PTGFR: variants seen among roughly 807,000 people sequenced by gnomAD.
PTGFR encodes the protein prostaglandin F2-alpha receptor.
PTGFR carries 15 observed loss-of-function variants against 26.2 expected under a neutral mutation model. The ratio of observed to expected loss-of-function variants is 0.57; its 90% CI spans 0.38 to 0.88. The LOEUF (loss-of-function observed/expected upper bound fraction) is 0.88. Ranked by LOEUF, PTGFR falls within the 40% of genes least tolerant of loss-of-function variation. The pLI, the probability that PTGFR is intolerant of heterozygous loss-of-function variation, is 0.00. For synonymous variants in PTGFR, 165 were observed against 151.1 expected (o/e 1.09, Z -0.68); for missense variants, 369 against 427.2 (o/e 0.86, Z 1.20).
At chr1:78,507,126 C>G (rs1649844473) in intron 2 of PTGFR, among the ~76,000 whole-genome samples, 1 of 152,152 alleles carries the variant, frequency 6.6e-6, no homozygotes, top group South Asian at 2.1e-4. Flanking sequence ...CCCTCTCTGG[C>G]TCTTTTGTTT....
chr1:78,496,023 T>C (rs1292598847), intron 2 of PTGFR, among the ~76,000 whole-genome samples: 3 of 152,202 alleles, frequency 2.0e-5, no homozygotes, highest in Non-Finnish European at 4.4e-5. Flanking sequence ...GGTATTACTT[T>C]ATGGGCTGAT....
chr1:78,535,534 C>T (rs1650624268), intron 2 of PTGFR, among the ~76,000 whole-genome samples: 1 of 152,108 alleles, frequency 6.6e-6, no homozygotes, highest in African/African-American at 2.4e-5. Flanking sequence ...GTCCAAGCTT[C>T]ACTTTTCAGT....
At chr1:78,495,037 T>A (rs1002379544) in intron 2 of PTGFR, among the ~76,000 whole-genome samples, 1 of 152,248 alleles carries the variant, frequency 6.6e-6, no homozygotes, top group African/African-American at 2.4e-5. Context: ...TCTAATATTT[T>A]AAAAATTTCT....
chr1:78,493,320 A>C lies in PTGFR; in HGVS notation c.577A>C (p.Ile193Leu). 6.2e-7 allele frequency: 1 copy of C among 1,614,226 alleles called. No homozygotes were observed. Among genetic ancestry groups the C allele is most frequent in the Admixed American group, 1.7e-5 (1 of 60,024 alleles). The change falls in exon 2 of 3, where the codon ATC (isoleucine) becomes CTC (leucine). Residue 193 changes from isoleucine (I) to leucine (L), a missense_variant. Coordinates refer to ENST00000370757, the MANE Select transcript of PTGFR (RefSeq NM_000959.4). ...CTGGTGTTTCTACAACACAGAAGACATCAAAGACTGGGAAGATAGATTTTA... is the reference window on the plus strand; with the variant it reads ...CTGGTGTTTCTACAACACAGAAGACCTCAAAGACTGGGAAGATAGATTTTA... ...RTWCFYNTED[I>L]KDWEDRFYLL...
In PTGFR at chr1:78,538,649, A is replaced by AT. The variant is rs1463071498; in HGVS notation, c.*1964dup. 2 of 152,070 alleles carry AT rather than the reference A, an allele frequency of 1.3e-5. No individual in the cohort carries two copies. The highest frequency in any genetic ancestry group is 2.9e-5 in the Non-Finnish European group (2 of 67,990). The allele number at this position is 152,070 out of a possible 1,614,324, so 9.4% of individuals were successfully genotyped here. A position where few individuals can be genotyped will look rare whatever the true frequency, so the allele number is the denominator to read the frequency against. The stretch of plus-strand genomic sequence containing the variant: ...CTGACTTAAGAGTTTCATTTCTGTT[A>AT]TTATATGTGTTGCATGTAGCTTGGC... On this transcript the variant is annotated 3_prime_UTR_variant, in exon 3 of 3. Transcript: ENST00000370757.
chr1:78,508,190 T>G (rs1310488954), intron 2 of PTGFR, among the ~76,000 whole-genome samples: 1 of 152,224 alleles, frequency 6.6e-6, no homozygotes, highest in Non-Finnish European at 1.5e-5. Flanking sequence ...AAATGCTTAT[T>G]ACAAATATAT....
chr1:78,514,005 G>A (rs1030510084), intron 2 of PTGFR, among the ~76,000 whole-genome samples: 5 of 152,226 alleles, frequency 3.3e-5, no homozygotes, highest in African/African-American at 4.8e-5. Context: ...GTAAGGGGAC[G>A]GCTGGATCCT....
chr1:78,524,993 C>T (rs1353467234), intron 2 of PTGFR, among the ~76,000 whole-genome samples: 1 of 128,990 alleles, frequency 7.8e-6, no homozygotes, highest in Non-Finnish European at 1.6e-5. Context: ...CAAAAGTTCA[C>T]ATAAATCCTC....
At chr1:78,517,517 CA>C (rs1650118642) in intron 2 of PTGFR, among the ~76,000 whole-genome samples, 1 of 152,054 alleles carries the variant, frequency 6.6e-6, no homozygotes, top group Non-Finnish European at 1.5e-5. Context: ...TCCTGAGTGA[CA>C]AAAAGGAGCC....
intron 2 of PTGFR, among the ~76,000 whole-genome samples, chr1:78,501,267 A>C (rs1649697810): frequency 6.6e-6 from 1 of 152,204 alleles, no homozygotes; most frequent in African/African-American, 2.4e-5. Flanking sequence ...TTATTTGCTT[A>C]AGACTTATCT....
intron 2 of PTGFR, among the ~76,000 whole-genome samples, chr1:78,494,925 C>A (rs769491320): frequency 3.9e-5 from 6 of 152,292 alleles, no homozygotes; most frequent in Non-Finnish European, 7.4e-5. Flanking sequence ...TTCTAATTAA[C>A]GATCCAGATG....
rs989124685 is a variant in PTGFR, at chr1:78,538,939, T to C, written c.*2252T>C. The C allele has an allele frequency of 6.6e-6, 1 of 152,084 alleles. No individual in the cohort carries two copies. Among genetic ancestry groups the C allele is most frequent in the African/African-American group, 2.4e-5 (1 of 41,446 alleles). The allele number at this position is 152,084 out of a possible 1,614,324, so 9.4% of individuals were successfully genotyped here. A position where few individuals can be genotyped will look rare whatever the true frequency, so the allele number is the denominator to read the frequency against. On this transcript the variant is annotated 3_prime_UTR_variant, in exon 3 of 3. Transcript: ENST00000370757. ...ATACTATTTAAACATGATTTCTCGG[T>C]AATTATATATTCTGGGCAAATAACA... is the stretch of plus-strand genomic sequence containing the variant.
chr1:78,499,018 G>A (rs569475030), intron 2 of PTGFR, among the ~76,000 whole-genome samples: 1 of 152,290 alleles, frequency 6.6e-6, no homozygotes, highest in South Asian at 2.1e-4. Context: ...CGTTAATGTA[G>A]TGTAATCGTG....
intron 2 of PTGFR, among the ~76,000 whole-genome samples, chr1:78,533,363 C>A (rs1650567989): frequency 6.6e-6 from 1 of 152,258 alleles, no homozygotes; most frequent in Non-Finnish European, 1.5e-5. Context: ...TTAATAACAT[C>A]CCTAAGTAAT....
chr1:78,516,640 C>A (rs996171521), intron 2 of PTGFR, among the ~76,000 whole-genome samples: 14 of 152,076 alleles, frequency 9.2e-5, no homozygotes, highest in African/African-American at 3.4e-4. Context: ...TATCTCCAAC[C>A]TAAATAGGTC....
In PTGFR at chr1:78,493,156, C is replaced by T; in HGVS notation, c.413C>T (p.Thr138Ile). The T allele has an allele frequency of 6.2e-7, 1 of 1,614,216 alleles. No individual in the cohort carries two copies. The highest frequency in any genetic ancestry group is 8.5e-7 in the Non-Finnish European group (1 of 1,180,038). ...GCCATTGAGCGGTGTATTGGAGTCA[C>T]AAAACCAATATTTCATTCTACGAAA... ...VMAIERCIGVTKPIFHSTKIT... is the reference protein window; with the variant it reads ...VMAIERCIGVIKPIFHSTKIT... Residue 138 changes from threonine (T) to isoleucine (I), a missense_variant, in exon 2 of 3, where the codon ACA becomes ATA. Coordinates refer to ENST00000370757, the MANE Select transcript of PTGFR (RefSeq NM_000959.4).
intron 2 of PTGFR, among the ~76,000 whole-genome samples, chr1:78,516,172 T>C (rs1429615476): frequency 6.6e-6 from 1 of 152,178 alleles, no homozygotes; most frequent in Non-Finnish European, 1.5e-5. Flanking sequence ...CTAAGTGCTT[T>C]ACAGATGTTA....
intron 2 of PTGFR, among the ~76,000 whole-genome samples, chr1:78,525,143 G>T (rs1426573086): frequency 6.6e-6 from 1 of 151,714 alleles, no homozygotes; most frequent in African/African-American, 2.4e-5. Context: ...ATACTGCCAT[G>T]CTCAAAGATG....
intron 2 of PTGFR, chr1:78,532,194 A>G: frequency 4.9e-6 from 2 of 405,814 alleles, no homozygotes; most frequent in Non-Finnish European, 9.7e-6. Context: ...AGTCTATAAT[A>G]TGATGTTTGC....
Sources: allele counts gnomAD v4.1 joint callset (sites outside exome capture counted in the v4.1 genomes callset), GRCh38; gene constraint gnomAD v4.1.1; transcripts MANE v1.5; gene names NCBI Gene and HGNC (gene_info 2026-07-23, HGNC 2026-07-21).